The following OSBPL8 variants were observed in gnomAD, a reference collection of about 807,000 sequenced individuals.
The protein encoded by OSBPL8 is oxysterol binding protein like 8, also known as oxysterol-binding protein-related protein 8.
OSBPL8 carries 59 observed loss-of-function variants against 125.5 expected under a neutral mutation model. The observed-to-expected ratio is 0.47, with a 90% CI of 0.38 to 0.58. The LOEUF (loss-of-function observed/expected upper bound fraction) is 0.58. OSBPL8 is among the 20% of genes least tolerant of loss of function. The pLI is 0.00. For synonymous variants in OSBPL8, 330 were observed against 338.9 expected, an observed-to-expected ratio of 0.97 and a Z score of 0.29; for missense variants, 758 against 1,047.8, an observed-to-expected ratio of 0.72 and a Z score of 3.82.
intron 21 of OSBPL8, among the ~76,000 whole-genome samples, chr12:76,361,829 C>T (rs996855685): frequency 6.6e-6 from 1 of 152,152 alleles, no homozygotes; most frequent in African/African-American, 2.4e-5. Flanking sequence ...TATCTCCCTC[C>T]GGGTCCCTCC....
At chr12:76,538,745 T>C (rs960782667) in intron 1 of OSBPL8, among the ~76,000 whole-genome samples, 3 of 151,884 alleles carry the variant, frequency 2.0e-5, no homozygotes, top group Non-Finnish European at 4.4e-5. Context: ...GTCAGGAGTT[T>C]GAGACCAGCC....
intron 1 of OSBPL8, among the ~76,000 whole-genome samples, chr12:76,533,513 C>T (rs1950407960): frequency 6.6e-6 from 1 of 152,182 alleles, no homozygotes; most frequent in African/African-American, 2.4e-5. Context: ...ATTTGTCTGA[C>T]TGATCTTGCA....
At chr12:76,543,673 T>A (rs1592891235) in intron 1 of OSBPL8, among the ~76,000 whole-genome samples, 1 of 152,156 alleles carries the variant, frequency 6.6e-6, no homozygotes, top group East Asian at 1.9e-4. Flanking sequence ...CATCAAAGAG[T>A]GCACTCCAAT....
intron 5 of OSBPL8, among the ~76,000 whole-genome samples, chr12:76,409,912 CT>C (rs1315420654): frequency 2.2e-4 from 33 of 152,246 alleles, no homozygotes; most frequent in African/African-American, 6.5e-4. Flanking sequence ...AAAAGCTCCC[CT>C]GCTACTATAT....
chr12:76,486,400 C>A (rs891934571), intron 2 of OSBPL8, among the ~76,000 whole-genome samples: 3 of 152,186 alleles, frequency 2.0e-5, no homozygotes, highest in African/African-American at 7.2e-5. Flanking sequence ...GTTAAAGAAT[C>A]TACCACCTAA....
chr12:76,380,528 C>CACAA (rs1952999208), intron 15 of OSBPL8, among the ~76,000 whole-genome samples: 1 of 89,274 alleles, frequency 1.1e-5, no homozygotes, highest in Non-Finnish European at 2.1e-5. Context: ...GACACTGTCC[C>CACAA]AAAAAAAAAA....
intron 1 of OSBPL8, among the ~76,000 whole-genome samples, chr12:76,522,091 T>G (rs759280423): frequency 6.6e-6 from 1 of 152,144 alleles, no homozygotes; most frequent in Non-Finnish European, 1.5e-5. Flanking sequence ...TGAAATCAAT[T>G]GTAATACTGT....
chr12:76,378,713 C>T (rs1389456679), intron 15 of OSBPL8, among the ~76,000 whole-genome samples, 163 bp from the exon 16 acceptor site: 1 of 152,148 alleles, frequency 6.6e-6, no homozygotes. Flanking sequence ...ATATCCAAAA[C>T]ATATTTCATC....
chr12:76,441,295 T>C (rs1424548700), intron 4 of OSBPL8, among the ~76,000 whole-genome samples: 1 of 152,176 alleles, frequency 6.6e-6, no homozygotes, highest in African/African-American at 2.4e-5. Flanking sequence ...AGAGATCAAC[T>C]TGCTAAGATT....
chr12:76,526,631 A>ATC (rs1565971240), intron 1 of OSBPL8, among the ~76,000 whole-genome samples: 50 of 135,844 alleles, frequency 3.7e-4, no homozygotes, highest in African/African-American at 1.2e-3. Context: ...CTATCAGTAA[A>ATC]TCTCTTTTTT....
intron 2 of OSBPL8, among the ~76,000 whole-genome samples, chr12:76,476,254 T>A (rs1250224898): frequency 6.6e-6 from 1 of 152,016 alleles, no homozygotes; most frequent in Admixed American, 6.6e-5. Context: ...GCAGTAATAT[T>A]CCCAGAAGAA....
At chr12:76,541,904 G>A (rs908348419) in intron 1 of OSBPL8, among the ~76,000 whole-genome samples, 2 of 152,140 alleles carry the variant, frequency 1.3e-5, no homozygotes, top group African/African-American at 4.8e-5. Flanking sequence ...GGGTGCAGTG[G>A]CTCACGCCTG....
intron 4 of OSBPL8, among the ~76,000 whole-genome samples, chr12:76,430,321 G>A (rs1315748718): frequency 1.3e-5 from 2 of 152,126 alleles, no homozygotes; most frequent in Non-Finnish European, 2.9e-5. Flanking sequence ...ACCAATAGCA[G>A]ATCCGACAGA....
intron 2 of OSBPL8, among the ~76,000 whole-genome samples, chr12:76,485,011 C>T (rs529980752): frequency 3.4e-4 from 51 of 152,120 alleles, no homozygotes; most frequent in African/African-American, 1.1e-3. Context: ...ACCTCTGCCT[C>T]CCAGGTTCAA....
intron 21 of OSBPL8, among the ~76,000 whole-genome samples, chr12:76,359,208 T>C (rs772507137): frequency 2.0e-5 from 3 of 152,218 alleles, no homozygotes; most frequent in Non-Finnish European, 4.4e-5. Context: ...GAATGTTAAA[T>C]AATAGTGTGT....
chr12:76,398,093 T>G (rs76093449), intron 7 of OSBPL8, among the ~76,000 whole-genome samples, 196 bp from the exon 8 acceptor site: 1 of 152,126 alleles, frequency 6.6e-6, no homozygotes, highest in African/African-American at 2.4e-5. Flanking sequence ...GAAACTTAAA[T>G]TTTAGTGGGA....
intron 2 of OSBPL8, among the ~76,000 whole-genome samples, chr12:76,460,246 T>C (rs752810017): frequency 2.4e-4 from 36 of 152,160 alleles, no homozygotes; most frequent in Non-Finnish European, 4.4e-4. Flanking sequence ...AAAAATTACA[T>C]AGAAATTTAA....
At chr12:76,459,976 A>T in intron 2 of OSBPL8, 81 bp from the exon 3 acceptor site, 1 of 1,380,154 alleles carries the variant, frequency 7.2e-7, no homozygotes, top group Non-Finnish European at 1.0e-6. Flanking sequence ...CGGAAACAGC[A>T]GTGAAACAAA....
chr12:76,497,746 C>T (rs1370397308), intron 1 of OSBPL8, among the ~76,000 whole-genome samples: 1 of 152,042 alleles, frequency 6.6e-6, no homozygotes, highest in Non-Finnish European at 1.5e-5. Context: ...TTTACTGTAC[C>T]TTTGTAACAT....
Sources: allele counts gnomAD v4.1 joint callset (sites outside exome capture counted in the v4.1 genomes callset), GRCh38; gene constraint gnomAD v4.1.1; transcripts MANE v1.5; gene names NCBI Gene and HGNC (gene_info 2026-07-23, HGNC 2026-07-21).